The following FOXN2 variants were observed in gnomAD, a reference collection of about 807,000 sequenced individuals.
FOXN2 encodes forkhead box protein N2.
Under a neutral mutation model 41.2 loss-of-function variants are expected in FOXN2, and 19 were observed. The observed-to-expected ratio is 0.46, with a 90% CI of 0.32 to 0.68. FOXN2 has a LOEUF of 0.68. FOXN2 is among the 30% of genes least tolerant of loss of function. FOXN2 has a pLI of 0.03. For synonymous variants in FOXN2, 195 were observed against 176.8 expected (o/e 1.10, Z -0.82); for missense variants, 587 against 509.4 (o/e 1.15, Z -1.47).
rs2104560224 is a variant in FOXN2 at position 48,378,296 on chromosome 2, T to C, written c.*2853T>C. On this transcript the variant is annotated 3_prime_UTR_variant, in exon 7 of 7. Transcript: ENST00000340553. ...TGGAAAAGGTGGATCACCTCCCTTT[T>C]TCCACCTTCAAGCCTTTCCTGTCCT... 6.6e-6 allele frequency: 1 copy of C among 152,494 alleles called. No individual in the cohort carries two copies. The highest frequency in any genetic ancestry group is 2.1e-4 in the South Asian group (1 of 4,826). 9.4% of individuals were successfully genotyped at this position (152,494 alleles called of 1,614,324 possible).
chr2:48,335,249 C>CTT, intron 2 of FOXN2, among the ~76,000 whole-genome samples: 1 of 152,178 alleles, frequency 6.6e-6, no homozygotes, highest in East Asian at 1.9e-4. Flanking sequence ...AAAGAGCAAA[C>CTT]ATGTTGAAAA....
chr2:48,335,562 G>A (rs200439822), intron 2 of FOXN2, among the ~76,000 whole-genome samples: 2 of 53,794 alleles, frequency 3.7e-5, no homozygotes, highest in Non-Finnish European at 9.7e-5. Context: ...GCAAAAACAT[G>A]TTCATACAAA....
chr2:48,346,993 GTTCT>G (rs1671147329), intron 3 of FOXN2, among the ~76,000 whole-genome samples: 2 of 151,958 alleles, frequency 1.3e-5, no homozygotes, highest in South Asian at 4.1e-4. Context: ...TATTATTTTA[GTTCT>G]TTGTTTCTAG....
At chr2:48,348,221 A>G (rs1295154384) in intron 3 of FOXN2, among the ~76,000 whole-genome samples, 1 of 151,834 alleles carries the variant, frequency 6.6e-6, no homozygotes, top group Non-Finnish European at 1.5e-5. Flanking sequence ...TTACCTCTTG[A>G]TTGCTTTGCC....
At chr2:48,356,168 G>A (rs561301191) in intron 3 of FOXN2, among the ~76,000 whole-genome samples, 6 of 152,188 alleles carry the variant, frequency 3.9e-5, no homozygotes, top group Non-Finnish European at 7.4e-5. Flanking sequence ...TTGGCCAGGC[G>A]TGGTGGCTCA....
At chr2:48,345,796 TTG>T (rs1248567944) in intron 2 of FOXN2, among the ~76,000 whole-genome samples, 1 of 152,188 alleles carries the variant, frequency 6.6e-6, no homozygotes, top group Non-Finnish European at 1.5e-5. Context: ...ATTCAACTAT[TTG>T]TATATAGTAA....
At chr2:48,353,552 CTGTGTGTGTGTGTGTGTGTGTGTGTGTG>C (rs57528113) in intron 3 of FOXN2, among the ~76,000 whole-genome samples, 34 of 128,916 alleles carry the variant, frequency 2.6e-4, no homozygotes, top group South Asian at 1.8e-3. Context: ...TCACTTAAGA[CTGTGTGTGTGTGTGTGTGTGTGTGTGTG>C]TGTGTGTGTG....
At chr2:48,345,457 A>G (rs568237792) in intron 2 of FOXN2, among the ~76,000 whole-genome samples, 40 of 152,142 alleles carry the variant, frequency 2.6e-4, no homozygotes, top group Non-Finnish European at 5.7e-4. Flanking sequence ...GTTAATAATA[A>G]TGTATATTTC....
rs759550647 is a variant in FOXN2 at position 48,354,470 on chromosome 2, T to C, written c.538-4577T>C. On this transcript the variant is annotated intron_variant, in intron 3 of 6. Coordinates refer to ENST00000340553, the MANE Select transcript of FOXN2 (RefSeq NM_002158.4). ...CAAAAATTAGCTGGGTGTGGTGGCGTGTGCCTGTAATCCCAGCTACTTGGG... is the reference window on the plus strand; with the variant it reads ...CAAAAATTAGCTGGGTGTGGTGGCGCGTGCCTGTAATCCCAGCTACTTGGG... Among the ~76,000 whole-genome samples the C allele has an allele frequency of 3.4e-4, 52 of 152,186 alleles. 1 individual carries two copies. The highest frequency in any genetic ancestry group is 1.1e-3 in the African/African-American group (47 of 41,528).
At chr2:48,351,820 A>T (rs893328766) in intron 3 of FOXN2, among the ~76,000 whole-genome samples, 1 of 152,200 alleles carries the variant, frequency 6.6e-6, no homozygotes, top group African/African-American at 2.4e-5. Context: ...GGGGACCCCT[A>T]AACTAAAAGA....
chr2:48,331,279 G>A (rs531052595), intron 2 of FOXN2, among the ~76,000 whole-genome samples: 3 of 152,146 alleles, frequency 2.0e-5, no homozygotes, highest in African/African-American at 7.2e-5. Context: ...TATAATGGAT[G>A]AAATATAAAT....
At chr2:48,363,038 T>C (rs1672298823) in intron 5 of FOXN2, among the ~76,000 whole-genome samples, 1 of 152,196 alleles carries the variant, frequency 6.6e-6, no homozygotes, top group South Asian at 2.1e-4. Flanking sequence ...GTATACTCCT[T>C]CCACCAATTA....
At chr2:48,333,544 C>A (rs557619912) in intron 2 of FOXN2, among the ~76,000 whole-genome samples, 1 of 152,060 alleles carries the variant, frequency 6.6e-6, no homozygotes, top group African/African-American at 2.4e-5. Flanking sequence ...GGGGGAATCA[C>A]GAAGTTTATG....
intron 3 of FOXN2, among the ~76,000 whole-genome samples, chr2:48,351,041 C>T (rs930132901): frequency 1.3e-5 from 2 of 152,036 alleles, no homozygotes; most frequent in African/African-American, 4.8e-5. Flanking sequence ...TCTCGGCCCA[C>T]TGCAACCTCC....
At position 48,346,551 on chromosome 2, in the gene FOXN2, C is replaced by A; in HGVS notation, c.337C>A (p.Pro113Thr). ...NPEKKSATSK[P>T]PYSFSLLIYM... ...AGAAAAAAAATCAGCGACTTCAAAG[C>A]CCCCATACTCCTTTAGTCTTCTCAT... Residue 113 changes from proline to threonine, a missense_variant, in exon 3 of 7, where the codon CCC becomes ACC. Pro to Thr is a conservative substitution (Grantham distance 38). Coordinates refer to ENST00000340553, the MANE Select transcript of FOXN2 (RefSeq NM_002158.4). 6.2e-7 allele frequency: 1 copy of A among 1,613,284 alleles called. No individual in the cohort carries two copies. The highest frequency in any genetic ancestry group is 8.5e-7 in the Non-Finnish European group (1 of 1,179,754).
In FOXN2 at chr2:48,346,376, T is replaced by G; in HGVS notation, c.162T>G (p.Asp54Glu). The G allele has an allele frequency of 1.2e-6, 2 of 1,614,208 alleles. No homozygotes were observed. Among genetic ancestry groups the G allele is most frequent in the South Asian group, 1.1e-5 (1 of 91,088 alleles). Residue 54 changes from aspartate (D) to glutamate (E), a missense_variant, in exon 3 of 7, where the codon GAT becomes GAG. Coordinates refer to ENST00000340553, the MANE Select transcript of FOXN2 (RefSeq NM_002158.4). ...ATLVDSESAD[D>E]ELTNLNWLHE... is the part of the protein sequence containing the mutation. ...TAGTGGACAGTGAGTCAGCAGATGA[T>G]GAACTCACAAACTTGAACTGGCTTC...
chr2:48,322,730 A>G (rs1354682586), intron 1 of FOXN2, among the ~76,000 whole-genome samples: 1 of 148,464 alleles, frequency 6.7e-6, no homozygotes, highest in Non-Finnish European at 1.5e-5. Context: ...TGATATATAT[A>G]TAATACAATA....
intron 1 of FOXN2, among the ~76,000 whole-genome samples, chr2:48,318,801 G>A (rs918769924): frequency 2.0e-5 from 3 of 152,186 alleles, no homozygotes; most frequent in Non-Finnish European, 2.9e-5. Flanking sequence ...CACATAGGAT[G>A]TATCTCCTCA....
At chr2:48,319,260 GA>G (rs61641736) in intron 1 of FOXN2, among the ~76,000 whole-genome samples, 8 of 149,292 alleles carry the variant, frequency 5.4e-5, no homozygotes, top group Middle Eastern at 3.4e-3. Flanking sequence ...CATATTTATG[GA>G]AAAAAAAATG....
Sources: allele counts gnomAD v4.1 joint callset (sites outside exome capture counted in the v4.1 genomes callset), GRCh38; gene constraint gnomAD v4.1.1; transcripts MANE v1.5; gene names NCBI Gene and HGNC (gene_info 2026-07-23, HGNC 2026-07-21).